The following POSTN variants were observed in gnomAD, a reference collection of about 807,000 sequenced individuals.
The protein encoded by POSTN is periostin.
POSTN carries 71 observed loss-of-function variants against 104.5 expected under a neutral mutation model. The observed-to-expected ratio is 0.68, with a 90% CI of 0.56 to 0.83. The LOEUF (loss-of-function observed/expected upper bound fraction) is 0.83, where lower values mean the gene tolerates loss of function less well. Ranked by LOEUF, POSTN falls within the 40% of genes least tolerant of loss-of-function variation. The pLI, the probability that POSTN is intolerant of heterozygous loss-of-function variation, is 0.00. For missense variants in POSTN, 949 were observed against 1,006.8 expected, an observed-to-expected ratio of 0.94 and a Z score of 0.78; for synonymous variants, 355 against 340.7, an observed-to-expected ratio of 1.04 and a Z score of -0.46.
chr13:37,575,578 C>A (rs748510291), intron 16 of POSTN, among the ~76,000 whole-genome samples: 18 of 152,106 alleles, frequency 1.2e-4, no homozygotes, highest in Non-Finnish European at 2.5e-4. Context: ...GGCTTTTTGT[C>A]ATTTCTAATG....
In POSTN at chr13:37,569,328, A is replaced by G; in HGVS notation, c.2403T>C (p.Asp801=). Reference sequence around the variant, plus strand: ...CCTGAAGCAGTCTTTTAATTTCTTCATCTTCAAATAAATGACCATCACCAC... The same window carrying G: ...CCTGAAGCAGTCTTTTAATTTCTTCGTCTTCAAATAAATGACCATCACCAC... ...IEGGDGHLFE[D]EEIKRLLQGD... Residue 801 remains aspartate, a synonymous_variant, in exon 21 of 23, where the codon GAT becomes GAC. Transcript: ENST00000379747. 1.2e-6 allele frequency: 2 copies of G among 1,612,664 alleles called. No homozygotes were observed. Among genetic ancestry groups the G allele is most frequent in the Non-Finnish European group, 1.7e-6 (2 of 1,178,994 alleles).
chr13:37,578,938 T>C, intron 14 of POSTN, 27 bp from the exon 15 acceptor site: 1 of 1,594,404 alleles, frequency 6.3e-7, no homozygotes, highest in Non-Finnish European at 8.5e-7. Context: ...TAAATGAATA[T>C]TGGTAAGAAA....
At position 37,576,173 on chromosome 13, in the gene POSTN, T is replaced by G. The variant is rs1397963370; in HGVS notation, c.2009-1521A>C. On this transcript the variant is annotated intron_variant, in intron 16 of 22. Coordinates refer to ENST00000379747, the MANE Select transcript of POSTN (RefSeq NM_006475.3). ...CAAAAACAGCATCCTTCCCCTCAAC[T>G]ATACACTTTAAAATGGATGTTATTT... Among the ~76,000 whole-genome samples, 4 of 152,138 alleles carry G rather than the reference T, an allele frequency of 2.6e-5. No homozygotes were observed. In the East Asian group the frequency reaches 5.8e-4, roughly 22 times the overall value.
chr13:37,595,880 G>A (rs955556807), intron 2 of POSTN, among the ~76,000 whole-genome samples: 16 of 148,658 alleles, frequency 1.1e-4, no homozygotes, highest in African/African-American at 3.2e-4. Flanking sequence ...GTGCCATCTC[G>A]GCTCACTGCA....
intron 15 of POSTN, among the ~76,000 whole-genome samples, chr13:37,578,153 T>A (rs1950469288): frequency 1.3e-5 from 2 of 152,234 alleles, no homozygotes; most frequent in Admixed American, 6.5e-5. Flanking sequence ...TAAGTGAATG[T>A]TCTTTCCTTT....
Position 37,577,751 on chromosome 13 carries a change from A to C in POSTN, c.2008+2T>G. 1 of 1,613,238 alleles carries C rather than the reference A, an allele frequency of 6.2e-7. No individual in the cohort carries two copies. Among genetic ancestry groups the C allele is most frequent in the Admixed American group, 1.7e-5 (1 of 59,996 alleles). On this transcript the variant is annotated splice_donor_variant, in intron 16 of 22. Coordinates refer to ENST00000379747, the MANE Select transcript of POSTN (RefSeq NM_006475.3). LOFTEE classifies it high-confidence loss of function. ...GGTGGCCAATATTTATTATATACTT[A>C]CTATAGACAGTCACGGGGATTTCTT...
intron 3 of POSTN, among the ~76,000 whole-genome samples, chr13:37,591,814 A>G (rs928073437): frequency 8.5e-5 from 13 of 152,228 alleles, no homozygotes; most frequent in Non-Finnish European, 1.9e-4. Flanking sequence ...TTCCTAGACA[A>G]GTTCAAAGAA....
At chr13:37,596,492 T>C (rs1951090219) in intron 2 of POSTN, among the ~76,000 whole-genome samples, 1 of 152,176 alleles carries the variant, frequency 6.6e-6, no homozygotes, top group Non-Finnish European at 1.5e-5. Context: ...GTCTATTAAG[T>C]AATAAATAAT....
intron 21 of POSTN, 129 bp downstream of exon 21, chr13:37,569,171 A>G (rs1950192204): frequency 6.5e-6 from 4 of 618,256 alleles, no homozygotes; most frequent in Non-Finnish European, 8.4e-6. Flanking sequence ...ATCTATTAAG[A>G]CAACAGTGGA....
chr13:37,594,163 C>G (rs3923854), intron 2 of POSTN, among the ~76,000 whole-genome samples: 59,890 of 151,784 alleles, frequency 0.39, 12,429 homozygotes, highest in Middle Eastern at 0.5. Context: ...GATTGATTAA[C>G]AATTGCTTAT....
Position 37,598,615 on chromosome 13 carries a change from C to A in POSTN, c.112G>T (p.Asp38Tyr). The A allele has an allele frequency of 6.2e-7, 1 of 1,611,588 alleles. No homozygotes were observed. The highest frequency in any genetic ancestry group is 8.5e-7 in the Non-Finnish European group (1 of 1,178,254). The change falls in exon 1 of 23, where the codon GAC becomes TAC. Residue 38 changes from aspartate (D) to tyrosine (Y), a missense_variant. Transcript: ENST00000379747. ...ILAHSRIRGR[D>Y]QGPNVCALQQ... is the part of the protein sequence containing the mutation. ...ACCAAACCACTCACTTACCCTTGGT[C>A]CCGACCCCTGATACGACTATGAGCC...
At chr13:37,587,019 C>T in intron 5 of POSTN, 91 bp from the exon 6 acceptor site, 3 of 1,110,734 alleles carry the variant, frequency 2.7e-6, no homozygotes, top group East Asian at 2.4e-5. Flanking sequence ...TTCATTTATA[C>T]TAGTAAATGT....
Position 37,572,678 on chromosome 13 carries a change from A to C in POSTN, c.2090-1220T>G, listed in dbSNP as rs1430074654. ...AAAGTACCCAGCAGAATAGCTGCTCAATAACTATTTGTTGAATTGAATTTT... is the reference window on the plus strand; with the variant it reads ...AAAGTACCCAGCAGAATAGCTGCTCCATAACTATTTGTTGAATTGAATTTT... On this transcript the variant is annotated intron_variant, in intron 17 of 22. Coordinates refer to ENST00000379747, the MANE Select transcript of POSTN (RefSeq NM_006475.3). Among the ~76,000 whole-genome samples the C allele has an allele frequency of 2.0e-5, 3 of 151,744 alleles. No homozygotes were observed. In the East Asian group the frequency reaches 5.8e-4, roughly 29 times the overall value.
At position 37,568,433 on chromosome 13, in the gene POSTN, G is replaced by A. The variant is rs187788765; in HGVS notation, c.2431+867C>T. On this transcript the variant is annotated intron_variant, in intron 21 of 22. Transcript: ENST00000379747. ...AAAGTATAAGCTGAAAAGCCATCTGGACTGTGTTTTGGATAAACATCAAAC... is the reference window on the plus strand; with the variant it reads ...AAAGTATAAGCTGAAAAGCCATCTGAACTGTGTTTTGGATAAACATCAAAC... Among the ~76,000 whole-genome samples, 426 of 152,088 alleles carry A rather than the reference G, an allele frequency of 2.8e-3. 1 individual carries two copies. Among genetic ancestry groups the A allele is most frequent in the Non-Finnish European group, 4.4e-3 (298 of 67,908 alleles).
chr13:37,582,420 C>A lies in POSTN; in HGVS notation c.1338G>T (p.Gly446=). 6.2e-7 allele frequency: 1 copy of A among 1,613,820 alleles called. No individual in the cohort carries two copies. The highest frequency in any genetic ancestry group is 8.5e-7 in the Non-Finnish European group (1 of 1,179,876). The part of the protein sequence containing the change: ...VKVGLNELYN[G]QILETIGGKQ... ...TGCCTCCGATGGTTTCCAGTATTTG[C>A]CCGTTGTAAAGCTCATTAAGGCCAA... is the stretch of plus-strand genomic sequence containing the variant. The change falls in exon 10 of 23, where the codon GGG becomes GGT. Residue 446 remains glycine, a synonymous_variant. Coordinates refer to ENST00000379747, the MANE Select transcript of POSTN (RefSeq NM_006475.3).
chr13:37,569,660 T>A lies in POSTN; in HGVS notation c.2347+84A>T. On this transcript the variant is annotated intron_variant, in intron 20 of 22. Coordinates refer to ENST00000379747, the MANE Select transcript of POSTN (RefSeq NM_006475.3). ...AAATGAACAATAGATTGAGATAGAGTAGAAAACATGTAGAATGTTATTTTA... is the reference window on the plus strand; with the variant it reads ...AAATGAACAATAGATTGAGATAGAGAAGAAAACATGTAGAATGTTATTTTA... 1.9e-6 allele frequency: 2 copies of A among 1,053,464 alleles called. 1 individual carries two copies. The highest frequency in any genetic ancestry group is 4.7e-5 in the East Asian group (2 of 42,194). 65.3% of individuals were successfully genotyped at this position (1,053,464 alleles called of 1,614,324 possible).
intron 1 of POSTN, among the ~76,000 whole-genome samples, chr13:37,597,966 G>T (rs1951131514): frequency 6.6e-6 from 1 of 152,080 alleles, no homozygotes. Context: ...TGAGGCATAG[G>T]AAGAAGTGCC....
chr13:37,588,094 A>T, intron 4 of POSTN, 108 bp from the exon 5 acceptor site: 1 of 892,488 alleles, frequency 1.1e-6, no homozygotes, highest in Middle Eastern at 2.3e-4. Context: ...TCATTATCAG[A>T]TGGTCATACA....
chr13:37,584,938 A>G lies in POSTN; in HGVS notation c.896-10T>C, dbSNP rs746148200. ...TGGTACTTCATAAGAGCTGGAGAAC[A>G]CAATAAAAACAGGTAGCTTTCAGAT... On this transcript the variant is annotated splice_polypyrimidine_tract_variant and intron_variant, in intron 7 of 22. Transcript: ENST00000379747. 4.5e-5 allele frequency: 73 copies of G among 1,612,576 alleles called. 1 individual carries two copies. The East Asian group carries it at 1.6e-3, about 35-fold the overall frequency.
Sources: gnomAD v4.1 joint callset for allele counts (sites outside exome capture counted in the v4.1 genomes callset) on GRCh38, gnomAD v4.1.1 for gene constraint, MANE v1.5 for transcripts, NCBI Gene and HGNC (gene_info 2026-07-23, HGNC 2026-07-21) for gene names.